Variants in MEGF6 observed in about 807,000 individuals in gnomAD.
The protein encoded by MEGF6 is multiple EGF like domains 6.
Under a neutral mutation model 207.1 loss-of-function variants are expected in MEGF6, and 184 were observed. The ratio of observed to expected loss-of-function variants is 0.89; its 90% CI spans 0.79 to 1.00. The LOEUF (loss-of-function observed/expected upper bound fraction) is 1.00, where lower values mean the gene tolerates loss of function less well. Among genes scored for constraint, MEGF6 ranks in the 50% least tolerant of loss-of-function variants. The probability of loss-of-function intolerance (pLI) is 0.00; values close to 1 mark genes in which losing one functional copy is unlikely to be tolerated. For synonymous variants in MEGF6, 1,038 were observed against 910.0 expected, an observed-to-expected ratio of 1.14 and a Z score of -2.53; for missense variants, 2,282 against 2,202.9, an observed-to-expected ratio of 1.04 and a Z score of -0.72.
chr1:3,542,702 G>A (rs936982322), intron 4 of MEGF6, among the ~76,000 whole-genome samples: 2 of 152,154 alleles, frequency 1.3e-5, no homozygotes, highest in Non-Finnish European at 2.9e-5. Flanking sequence ...AGGACTTGCC[G>A]CATCTTACAG....
chr1:3,533,403 G>A (rs756365009), intron 4 of MEGF6, among the ~76,000 whole-genome samples: 2 of 152,236 alleles, frequency 1.3e-5, no homozygotes, highest in South Asian at 2.1e-4. Flanking sequence ...ACAGGCTGAC[G>A]GGCCTGTTTG....
At chr1:3,491,774 G>GT (rs1462785636) in intron 35 of MEGF6, among the ~76,000 whole-genome samples, 1 of 126,970 alleles carries the variant, frequency 7.9e-6, no homozygotes, top group Non-Finnish European at 1.6e-5. Context: ...CGGTGCGGGG[G>GT]TGGGGGGGGG....
At chr1:3,544,547 C>T (rs1316301945) in intron 4 of MEGF6, among the ~76,000 whole-genome samples, 2 of 152,144 alleles carry the variant, frequency 1.3e-5, no homozygotes, top group African/African-American at 2.4e-5. Flanking sequence ...CATGCAGGGG[C>T]TGCTGGAACA....
chr1:3,495,786 G>A (rs1640572627), intron 30 of MEGF6, 104 bp downstream of exon 30: 4 of 1,404,704 alleles, frequency 2.8e-6, no homozygotes, highest in Non-Finnish European at 9.5e-7. Context: ...CAGCCAGGAT[G>A]TGCGGGTGTC....
chr1:3,594,053 T>A lies in MEGF6; in HGVS notation c.376+1285A>T, dbSNP rs1644021588. On this transcript the variant is annotated intron_variant, in intron 3 of 36. Transcript: ENST00000356575. This position sits in a 1 kb window ranked among gnomAD's most constrained non-coding sequence, Gnocchi z 4.2. Reference sequence around the variant, plus strand: ...AAGAGCCCCTGCGGCTCCAGGCAACTACCCGCCATAAGGACCCCTAGAGCT... The same window carrying A: ...AAGAGCCCCTGCGGCTCCAGGCAACAACCCGCCATAAGGACCCCTAGAGCT... Among the ~76,000 whole-genome samples, 1 of 152,100 alleles carries A rather than the reference T, an allele frequency of 6.6e-6. No individual in the cohort carries two copies. The highest frequency in any genetic ancestry group is 1.5e-5 in the Non-Finnish European group (1 of 68,018).
At chr1:3,494,877 C>T (rs367713799) in intron 30 of MEGF6, 136 bp from the exon 31 acceptor site, 220 of 1,329,594 alleles carry the variant, frequency 1.7e-4, no homozygotes, top group Admixed American at 1.2e-3. Flanking sequence ...GCCTGCTGGG[C>T]GGGCACATGC....
intron 17 of MEGF6, among the ~76,000 whole-genome samples, chr1:3,503,836 C>G (rs537231884): frequency 5.5e-4 from 83 of 152,156 alleles, no homozygotes; most frequent in Non-Finnish European, 9.3e-4. Context: ...TGATGAAGCC[C>G]TAGGGCTTGT....
At chr1:3,561,245 G>A (rs112289529) in intron 4 of MEGF6, among the ~76,000 whole-genome samples, 433 of 152,272 alleles carry the variant, frequency 2.8e-3, no homozygotes, top group Middle Eastern at 0.01. Context: ...GCTCAGCTGA[G>A]GAGCAAGGGC....
chr1:3,586,034 G>GA (rs1643889898), intron 3 of MEGF6, among the ~76,000 whole-genome samples: 1 of 142,818 alleles, frequency 7.0e-6, no homozygotes. Context: ...GTGTGTGGAC[G>GA]CATGTCCTGC....
In MEGF6 at chr1:3,509,067, G is replaced by C; in HGVS notation, c.1528+8C>G. 6.4e-7 allele frequency: 1 copy of C among 1,571,858 alleles called. No individual in the cohort carries two copies. Among genetic ancestry groups the C allele is most frequent in the Non-Finnish European group, 8.6e-7 (1 of 1,160,438 alleles). ...GCAGGAGCCCCCGGGGGCTGGGCCC[G>C]CGCTCACCAAACTTCTCTGTGAGCG... On this transcript the variant is annotated splice_region_variant and intron_variant, in intron 12 of 36. Coordinates refer to ENST00000356575, the MANE Select transcript of MEGF6 (RefSeq NM_001409.4).
At chr1:3,591,193 C>T (rs1458139932) in intron 3 of MEGF6, among the ~76,000 whole-genome samples, 2 of 152,206 alleles carry the variant, frequency 1.3e-5, no homozygotes, top group Admixed American at 6.5e-5. Context: ...AAGCGCACGG[C>T]AGAGCTGGAA....
intron 11 of MEGF6, 134 bp downstream of exon 11, chr1:3,509,736 G>A: frequency 8.0e-7 from 1 of 1,256,466 alleles, no homozygotes; most frequent in East Asian, 2.7e-5. Context: ...GAGGTGTGTT[G>A]GCCCAGAGAG....
chr1:3,495,663 G>A (rs759767085), intron 30 of MEGF6, among the ~76,000 whole-genome samples: 1 of 152,180 alleles, frequency 6.6e-6, no homozygotes, highest in African/African-American at 2.4e-5. Context: ...GCTGAGTGTC[G>A]AGGTAGGGGC....
chr1:3,513,053 C>CA (rs1024048915), intron 7 of MEGF6, among the ~76,000 whole-genome samples: 5 of 152,182 alleles, frequency 3.3e-5, no homozygotes, highest in Non-Finnish European at 5.9e-5. Context: ...CAAACAATGG[C>CA]ACCTGCCTGC....
chr1:3,593,985 C>T (rs1331367939), intron 3 of MEGF6, among the ~76,000 whole-genome samples: 1 of 152,180 alleles, frequency 6.6e-6, no homozygotes, highest in Non-Finnish European at 1.5e-5. Context: ...CCAGGACGGG[C>T]AACTTCAGCC....
rs551850594 is a variant in MEGF6, at chr1:3,505,012, G to A, written c.2188+196C>T. ...GCAGACCAGACTGAGACTAGCAGCCGCACCACTGCCATGTGACAGGCCGTC... is the reference window on the plus strand; with the variant it reads ...GCAGACCAGACTGAGACTAGCAGCCACACCACTGCCATGTGACAGGCCGTC... On this transcript the variant is annotated intron_variant, in intron 17 of 36. Transcript: ENST00000356575. Among the ~76,000 whole-genome samples, 320 of 152,272 alleles carry A rather than the reference G, an allele frequency of 2.1e-3. 2 individuals carry two copies. Among genetic ancestry groups the A allele is most frequent in the African/African-American group, 7.3e-3 (302 of 41,550 alleles).
chr1:3,517,295 A>G (rs1331670196), intron 5 of MEGF6, among the ~76,000 whole-genome samples: 1 of 152,138 alleles, frequency 6.6e-6, no homozygotes, highest in East Asian at 1.9e-4. Flanking sequence ...GAGGCTTCTC[A>G]TCACCCCCTC....
At chr1:3,503,293 G>A (rs1390649997) in intron 17 of MEGF6, among the ~76,000 whole-genome samples, 2 of 152,172 alleles carry the variant, frequency 1.3e-5, no homozygotes, top group African/African-American at 4.8e-5. Flanking sequence ...TGGCGTCAGG[G>A]AACCCCCCTC....
chr1:3,571,303 C>T (rs1252739327), intron 4 of MEGF6, among the ~76,000 whole-genome samples: 4 of 152,154 alleles, frequency 2.6e-5, no homozygotes, highest in African/African-American at 7.2e-5. Flanking sequence ...TTGTAGGACA[C>T]GACCCCACCA....
Sources: gnomAD v4.1 joint callset for allele counts (sites outside exome capture counted in the v4.1 genomes callset) on GRCh38, gnomAD v4.1.1 for gene constraint, Gnocchi (gnomAD v3.1) non-coding constraint, MANE v1.5 for transcripts, NCBI Gene and HGNC (gene_info 2026-07-23, HGNC 2026-07-21) for gene names.